The following ZMAT4 variants were observed in gnomAD, a reference collection of about 807,000 sequenced individuals.
The protein encoded by ZMAT4 is zinc finger matrin-type protein 4.
ZMAT4 carries 17 observed loss-of-function variants against 28.7 expected under a neutral mutation model. That is an observed-to-expected ratio of 0.59 (90% confidence interval 0.41 to 0.89). ZMAT4 has a LOEUF of 0.89. Among genes scored for constraint, ZMAT4 ranks in the 40% least tolerant of loss-of-function variants. The pLI, the probability that ZMAT4 is intolerant of heterozygous loss-of-function variation, is 0.00. For synonymous variants in ZMAT4, 117 were observed against 109.2 expected (o/e 1.07, Z -0.44); for missense variants, 240 against 283.8 (o/e 0.85, Z 1.11).
At chr8:40,572,251 C>T (rs1030120138) in intron 6 of ZMAT4, among the ~76,000 whole-genome samples, 1 of 152,058 alleles carries the variant, frequency 6.6e-6, no homozygotes, top group Non-Finnish European at 1.5e-5. Flanking sequence ...TCTGAACATT[C>T]ATTCAAGTAC....
intron 5 of ZMAT4, among the ~76,000 whole-genome samples, chr8:40,615,997 G>A (rs1365459873): frequency 1.3e-5 from 2 of 152,164 alleles, no homozygotes; most frequent in Admixed American, 1.3e-4. Flanking sequence ...TCTGAAAAAG[G>A]GCTAATATCC....
At chr8:40,866,355 A>G (rs1007687152) in intron 1 of ZMAT4, among the ~76,000 whole-genome samples, 5 of 152,226 alleles carry the variant, frequency 3.3e-5, no homozygotes, top group Non-Finnish European at 5.9e-5. Flanking sequence ...GTGAGCAGAA[A>G]CATTTCCGCT....
At chr8:40,583,847 G>A (rs568338203) in intron 5 of ZMAT4, among the ~76,000 whole-genome samples, 2 of 152,184 alleles carry the variant, frequency 1.3e-5, no homozygotes, top group African/African-American at 2.4e-5. Context: ...GTCCTTGATC[G>A]GCCTCCCACT....
Position 40,851,394 on chromosome 8 carries a change from G to T in ZMAT4, c.-4-25714C>A, listed in dbSNP as rs569114758. On this transcript the variant is annotated intron_variant, in intron 1 of 6. Coordinates refer to ENST00000297737, the MANE Select transcript of ZMAT4 (RefSeq NM_024645.3). ...TTTTAAATGCAATGTAGTATCCTAGGTTGAATCCTGGAACACATAAAGGAT... is the reference window on the plus strand; with the variant it reads ...TTTTAAATGCAATGTAGTATCCTAGTTTGAATCCTGGAACACATAAAGGAT... Among the ~76,000 whole-genome samples, 5 of 152,186 alleles carry T rather than the reference G, an allele frequency of 3.3e-5. No homozygotes were observed. The South Asian group carries it at 1.0e-3, about 32-fold the overall frequency.
chr8:40,804,932 T>C (rs1001206230), intron 2 of ZMAT4, among the ~76,000 whole-genome samples: 20 of 151,492 alleles, frequency 1.3e-4, no homozygotes, highest in Non-Finnish European at 2.9e-4. Flanking sequence ...TTTAAACCAA[T>C]ATTTCTCAAG....
chr8:40,623,973 C>A (rs1469989254), intron 5 of ZMAT4, among the ~76,000 whole-genome samples: 1 of 152,100 alleles, frequency 6.6e-6, no homozygotes, highest in Admixed American at 6.5e-5. Flanking sequence ...TGGTCTATAC[C>A]TGTGGAGGAG....
chr8:40,606,863 C>T (rs1359050967), intron 5 of ZMAT4, among the ~76,000 whole-genome samples: 2 of 152,160 alleles, frequency 1.3e-5, no homozygotes, highest in Non-Finnish European at 2.9e-5. Context: ...GGTCATCTAA[C>T]ATAATCCCAG....
intron 2 of ZMAT4, among the ~76,000 whole-genome samples, chr8:40,805,815 G>A (rs1815061253): frequency 6.7e-6 from 1 of 150,120 alleles, no homozygotes; most frequent in Admixed American, 6.6e-5. Context: ...GGGAGGGATG[G>A]CATTGGGAGA....
At chr8:40,795,508 C>G (rs1021584278) in intron 2 of ZMAT4, among the ~76,000 whole-genome samples, 1 of 152,098 alleles carries the variant, frequency 6.6e-6, no homozygotes, top group Non-Finnish European at 1.5e-5. Flanking sequence ...CTAGGCTGTC[C>G]CTAGGCTGAG....
At chr8:40,795,463 C>A (rs985589480) in intron 2 of ZMAT4, among the ~76,000 whole-genome samples, 1 of 152,164 alleles carries the variant, frequency 6.6e-6, no homozygotes, top group Non-Finnish European at 1.5e-5. Flanking sequence ...ATAGTTAAGT[C>A]CAGAATTTAC....
chr8:40,574,128 C>T (rs1453279759), intron 6 of ZMAT4, among the ~76,000 whole-genome samples: 1 of 151,938 alleles, frequency 6.6e-6, no homozygotes, highest in Non-Finnish European at 1.5e-5. Flanking sequence ...CACTAACCTT[C>T]CATCTGAAAA....
At chr8:40,878,657 C>T (rs1818120149) in intron 1 of ZMAT4, among the ~76,000 whole-genome samples, 1 of 152,196 alleles carries the variant, frequency 6.6e-6, no homozygotes, top group Non-Finnish European at 1.5e-5. Context: ...TTAAGTAGCC[C>T]GTTCCCCTGG....
chr8:40,582,267 G>A (rs113173520), intron 5 of ZMAT4, among the ~76,000 whole-genome samples: 142 of 152,146 alleles, frequency 9.3e-4, no homozygotes, highest in Non-Finnish European at 1.7e-3. Context: ...TTGGGAGGCC[G>A]AGGCAGGAGG....
At chr8:40,697,024 C>T (rs1303744158) in intron 4 of ZMAT4, 9 of 423,648 alleles carry the variant, frequency 2.1e-5, no homozygotes, top group South Asian at 7.1e-5. Flanking sequence ...ATTACTTCAT[C>T]GAAAGGAACT....
intron 6 of ZMAT4, among the ~76,000 whole-genome samples, chr8:40,564,589 G>A (rs1585690159): frequency 6.6e-6 from 1 of 152,182 alleles, no homozygotes; most frequent in African/African-American, 2.4e-5. Context: ...GTATAGGGGA[G>A]AACATATCAC....
chr8:40,615,421 G>T (rs749920268), intron 5 of ZMAT4, among the ~76,000 whole-genome samples: 3 of 152,052 alleles, frequency 2.0e-5, no homozygotes, highest in Admixed American at 1.3e-4. Context: ...TGCTCTTCTC[G>T]AGAAGTATCT....
At chr8:40,620,640 C>T (rs569438717) in intron 5 of ZMAT4, among the ~76,000 whole-genome samples, 37 of 152,322 alleles carry the variant, frequency 2.4e-4, no homozygotes, top group African/African-American at 7.9e-4. Flanking sequence ...CAATTCCTCA[C>T]TCCCATCACT....
intron 1 of ZMAT4, among the ~76,000 whole-genome samples, chr8:40,831,824 C>T (rs565779550): frequency 7.2e-5 from 11 of 152,186 alleles, no homozygotes; most frequent in Admixed American, 4.6e-4. Context: ...ATGATCCCAA[C>T]AGGACCTGGC....
chr8:40,765,078 C>G (rs1214696053), intron 3 of ZMAT4, among the ~76,000 whole-genome samples: 1 of 152,140 alleles, frequency 6.6e-6, no homozygotes, highest in Admixed American at 6.6e-5. Context: ...AAGTGTTCCT[C>G]TTGCCAGCAT....
Sources: gnomAD v4.1 joint callset for allele counts (sites outside exome capture counted in the v4.1 genomes callset) on GRCh38, gnomAD v4.1.1 for gene constraint, MANE v1.5 for transcripts, NCBI Gene and HGNC (gene_info 2026-07-23, HGNC 2026-07-21) for gene names.